Variants in CCDC3 observed in about 807,000 individuals in gnomAD.
CCDC3 encodes the protein coiled-coil domain containing 3, also known as coiled-coil domain-containing protein 3.
A neutral mutation model predicts 21.4 loss-of-function variants in CCDC3; 24 were observed. The ratio of observed to expected loss-of-function variants is 1.12; its 90% CI spans 0.81 to 1.58. The LOEUF (loss-of-function observed/expected upper bound fraction) is 1.58, where lower values mean the gene tolerates loss of function less well. Among genes scored for constraint, CCDC3 ranks in the 40% most tolerant of loss-of-function variants. The probability of loss-of-function intolerance (pLI) is 0.00; values close to 1 mark genes in which losing one functional copy is unlikely to be tolerated. For synonymous variants in CCDC3, 186 were observed against 166.0 expected, an observed-to-expected ratio of 1.12 and a Z score of -0.93; for missense variants, 425 against 360.9, an observed-to-expected ratio of 1.18 and a Z score of -1.44.
At chr10:12,976,294 GTTCATTCATTCA>G (rs1835416909) in intron 2 of CCDC3, among the ~76,000 whole-genome samples, 1 of 152,202 alleles carries the variant, frequency 6.6e-6, no homozygotes, top group Admixed American at 6.5e-5. Flanking sequence ...GCATTCATTC[GTTCATTCATTCA>G]TTCACTCACA....
At chr10:12,994,595 A>G (rs1225526251) in intron 2 of CCDC3, among the ~76,000 whole-genome samples, 2 of 152,058 alleles carry the variant, frequency 1.3e-5, no homozygotes, top group South Asian at 2.1e-4. Context: ...CTGATTAACA[A>G]AAGTCTAACA....
intron 2 of CCDC3, among the ~76,000 whole-genome samples, chr10:12,991,745 C>G (rs977728554): frequency 1.3e-5 from 2 of 152,180 alleles, no homozygotes; most frequent in African/African-American, 4.8e-5. Flanking sequence ...TAACTGAAAT[C>G]TCTGCATATA....
Position 12,898,575 on chromosome 10 carries a change from C to A in CCDC3, c.654G>T (p.Arg218=). ...ACCTCTTGACCTTCTTCACTCGCTCCCGGAGCTGCCGGTTGCGCTTCTCCA... is the reference window on the plus strand; with the variant it reads ...ACCTCTTGACCTTCTTCACTCGCTCACGGAGCTGCCGGTTGCGCTTCTCCA... ...ATLEKRNRQL[R]ERVKKVKRSL... is the part of the protein sequence containing the mutation. The change falls in exon 3 of 3, where the codon CGG becomes CGT. Residue 218 remains arginine, a synonymous_variant. Transcript: ENST00000378825. 1 of 1,614,222 alleles carries A rather than the reference C, an allele frequency of 6.2e-7. No homozygotes were observed. Among genetic ancestry groups the A allele is most frequent in the South Asian group, 1.1e-5 (1 of 91,084 alleles).
intron 2 of CCDC3, among the ~76,000 whole-genome samples, chr10:12,950,126 C>T (rs1482801379): frequency 1.3e-5 from 2 of 152,212 alleles, no homozygotes; most frequent in Non-Finnish European, 2.9e-5. Flanking sequence ...ACTGTTCTCT[C>T]TCCTTGTAAA....
At chr10:12,976,064 T>A (rs1205841670) in intron 2 of CCDC3, among the ~76,000 whole-genome samples, 1 of 152,276 alleles carries the variant, frequency 6.6e-6, no homozygotes, top group African/African-American at 2.4e-5. Context: ...AGCGATGCCA[T>A]CTCTACCAGC....
At chr10:13,095,059 G>A (rs1832614304) in intron 3 of CCDC3, among the ~76,000 whole-genome samples, 1 of 152,196 alleles carries the variant, frequency 6.6e-6, no homozygotes, top group Non-Finnish European at 1.5e-5. Context: ...TCTCATACAG[G>A]GAGTTGCTTT....
intron 2 of CCDC3, among the ~76,000 whole-genome samples, chr10:12,962,150 C>T (rs73575838): frequency 0.02 from 3,027 of 152,288 alleles, 121 homozygotes; most frequent in African/African-American, 0.069. Context: ...TTCGGCTTCT[C>T]TGAAGTGGAA....
chr10:12,949,224 C>T (rs373588667), intron 2 of CCDC3, among the ~76,000 whole-genome samples: 27 of 152,172 alleles, frequency 1.8e-4, no homozygotes, highest in Admixed American at 9.2e-4. Context: ...ACATGGCTGC[C>T]GGGAATAAAG....
chr10:12,938,959 A>G (rs1452055293), intron 2 of CCDC3, among the ~76,000 whole-genome samples: 1 of 152,134 alleles, frequency 6.6e-6, no homozygotes, highest in Non-Finnish European at 1.5e-5. Flanking sequence ...AACACACACA[A>G]TAAATATGCC....
intron 5 of CCDC3, among the ~76,000 whole-genome samples, chr10:13,039,634 G>A (rs533122174): frequency 6.6e-6 from 1 of 152,276 alleles, no homozygotes; most frequent in South Asian, 2.1e-4. Context: ...CTTTGCAGAT[G>A]GATAGTATCG....
At chr10:12,919,744 G>GC (rs567159156) in intron 2 of CCDC3, among the ~76,000 whole-genome samples, 83 of 147,584 alleles carry the variant, frequency 5.6e-4, no homozygotes, top group African/African-American at 2.0e-3. Flanking sequence ...CCCACAGAGT[G>GC]CCCGGGGTGG....
chr10:12,946,211 T>C (rs933459937), intron 2 of CCDC3, among the ~76,000 whole-genome samples: 3 of 152,324 alleles, frequency 2.0e-5, no homozygotes, highest in African/African-American at 7.2e-5. Flanking sequence ...AATTCCATAC[T>C]GAAACCAAAC....
chr10:12,997,105 A>G (rs1835772913), intron 2 of CCDC3, among the ~76,000 whole-genome samples: 1 of 152,114 alleles, frequency 6.6e-6, no homozygotes. Flanking sequence ...AATAAAAAAG[A>G]CAATAAGGGG....
chr10:13,000,962 G>T (rs140654498), intron 1 of CCDC3, among the ~76,000 whole-genome samples: 2 of 152,314 alleles, frequency 1.3e-5, no homozygotes, highest in East Asian at 3.9e-4. Flanking sequence ...TGTGTACAAG[G>T]CACAGAAACC....
chr10:12,917,886 A>G (rs1252608432), intron 2 of CCDC3, among the ~76,000 whole-genome samples: 1 of 152,146 alleles, frequency 6.6e-6, no homozygotes, highest in Non-Finnish European at 1.5e-5. Flanking sequence ...TTTCTTTAGG[A>G]TTGACACTCA....
rs144234104 is a variant in CCDC3 at position 12,937,904 on chromosome 10, C to T, written c.550-39225G>A. Among the ~76,000 whole-genome samples, 6 of 152,306 alleles carry T rather than the reference C, an allele frequency of 3.9e-5. No individual in the cohort carries two copies. In the East Asian group the frequency reaches 1.2e-3, roughly 29 times the overall value. On this transcript the variant is annotated intron_variant, in intron 2 of 2. Transcript: ENST00000378825. ...GGAGGCAGTCTCCCTGTGTCTCAGTCATCACCCAAGATTTTGGTCCCTTTG... is the reference window on the plus strand; with the variant it reads ...GGAGGCAGTCTCCCTGTGTCTCAGTTATCACCCAAGATTTTGGTCCCTTTG...
intron 4 of CCDC3, among the ~76,000 whole-genome samples, chr10:13,066,254 C>A (rs948359015): frequency 1.9e-4 from 29 of 152,104 alleles, no homozygotes; most frequent in Admixed American, 1.8e-3. Context: ...CCCTCCCGGG[C>A]TCAGGTGATT....
chr10:12,955,235 A>G (rs1332161676), intron 2 of CCDC3, among the ~76,000 whole-genome samples: 1 of 152,250 alleles, frequency 6.6e-6, no homozygotes, highest in Non-Finnish European at 1.5e-5. Context: ...CCCTTTAAAT[A>G]GCAAGCTCTC....
chr10:12,945,162 A>T (rs1319926833), intron 2 of CCDC3, among the ~76,000 whole-genome samples: 3 of 152,214 alleles, frequency 2.0e-5, no homozygotes, highest in Non-Finnish European at 2.9e-5. Flanking sequence ...AAATTTGTCA[A>T]TCTACAGACA....
Sources: gnomAD v4.1 joint callset for allele counts (sites outside exome capture counted in the v4.1 genomes callset) on GRCh38, gnomAD v4.1.1 for gene constraint, MANE v1.5 for transcripts, NCBI Gene and HGNC (gene_info 2026-07-23, HGNC 2026-07-21) for gene names.